The following KCNK13 variants were observed in gnomAD, a reference collection of about 807,000 sequenced individuals.
KCNK13 encodes potassium two pore domain channel subfamily K member 13, also known as potassium channel subfamily K member 13.
In KCNK13, 12 loss-of-function variants were observed where a neutral mutation model predicts 23.4. That is an observed-to-expected ratio of 0.51 (90% CI 0.33 to 0.83). The LOEUF is 0.83. Among genes scored for constraint, KCNK13 ranks in the 40% least tolerant of loss-of-function variants. The probability of loss-of-function intolerance (pLI) is 0.02; values close to 1 mark genes in which losing one functional copy is unlikely to be tolerated. For synonymous variants in KCNK13, 231 were observed against 229.5 expected (o/e 1.01, Z -0.06); for missense variants, 463 against 556.3 (o/e 0.83, Z 1.69).
intron 1 of KCNK13, among the ~76,000 whole-genome samples, chr14:90,149,837 G>A (rs1275641800): frequency 6.6e-6 from 1 of 152,160 alleles, no homozygotes; most frequent in Non-Finnish European, 1.5e-5. Context: ...ACATGGGAGA[G>A]GGCAAAAGAT....
intron 1 of KCNK13, among the ~76,000 whole-genome samples, chr14:90,130,168 A>G (rs1889850134): frequency 7.0e-6 from 1 of 142,842 alleles, no homozygotes; most frequent in Non-Finnish European, 1.5e-5. Context: ...CTGGAAGAAG[A>G]TGGAGAAGGA....
intron 1 of KCNK13, among the ~76,000 whole-genome samples, chr14:90,137,465 C>T (rs903905494): frequency 8.5e-5 from 13 of 152,074 alleles, no homozygotes; most frequent in Non-Finnish European, 1.6e-4. Context: ...GGATTACAGG[C>T]GCCCGCCAAC....
intron 1 of KCNK13, among the ~76,000 whole-genome samples, chr14:90,076,344 T>C (rs1274678585): frequency 6.6e-6 from 1 of 152,274 alleles, no homozygotes; most frequent in Non-Finnish European, 1.5e-5. Context: ...TGTCTTTCTG[T>C]TCTGCCAGGC....
chr14:90,093,971 G>T (rs762051159), intron 1 of KCNK13, among the ~76,000 whole-genome samples: 3 of 152,240 alleles, frequency 2.0e-5, no homozygotes, highest in Admixed American at 1.3e-4. Flanking sequence ...TTTGCAGGGG[G>T]TGCCATTTTC....
chr14:90,073,578 G>T (rs1456379940), intron 1 of KCNK13, among the ~76,000 whole-genome samples: 1 of 152,202 alleles, frequency 6.6e-6, no homozygotes, highest in Non-Finnish European at 1.5e-5. Flanking sequence ...TGTGGTTTTC[G>T]AACTGTGCTC....
At chr14:90,087,154 A>ATATATATATTT (rs1282261147) in intron 1 of KCNK13, among the ~76,000 whole-genome samples, 6 of 107,650 alleles carry the variant, frequency 5.6e-5, no homozygotes, top group African/African-American at 2.3e-4. Context: ...ATATATATAT[A>ATATATATATTT]TTTTTTTTTT....
chr14:90,078,973 C>G (rs1441925343), intron 1 of KCNK13, among the ~76,000 whole-genome samples: 1 of 152,174 alleles, frequency 6.6e-6, no homozygotes, highest in Non-Finnish European at 1.5e-5. Context: ...TGAAAAGTAG[C>G]GAAAGCACAC....
At position 90,130,422 on chromosome 14, in the gene KCNK13, A is replaced by G. The variant is rs539508659; in HGVS notation, c.335-53689A>G. The stretch of plus-strand genomic sequence containing the variant: ...GCCATGTTGGCCAGGCTGGTCTTGA[A>G]CTCCTTATCTCAAATAATCTGCCCG... On this transcript the variant is annotated intron_variant, in intron 1 of 1. Coordinates refer to ENST00000282146, the MANE Select transcript of KCNK13 (RefSeq NM_022054.4). Among the ~76,000 whole-genome samples the G allele has an allele frequency of 4.6e-5, 7 of 151,076 alleles. No homozygotes were observed. In the East Asian group the frequency reaches 1.4e-3, roughly 30 times the overall value.
chr14:90,123,179 TC>T (rs1889758645), intron 1 of KCNK13, among the ~76,000 whole-genome samples: 1 of 152,186 alleles, frequency 6.6e-6, no homozygotes, highest in Admixed American at 6.5e-5. Context: ...ACCTGGTACT[TC>T]CTTCAAATCT....
At chr14:90,166,869 C>A (rs1473389382) in intron 1 of KCNK13, among the ~76,000 whole-genome samples, 1 of 151,956 alleles carries the variant, frequency 6.6e-6, no homozygotes, top group African/African-American at 2.4e-5. Flanking sequence ...ACACACACAC[C>A]CAAATCACAG....
At chr14:90,137,665 G>T (rs1889954939) in intron 1 of KCNK13, among the ~76,000 whole-genome samples, 1 of 152,110 alleles carries the variant, frequency 6.6e-6, no homozygotes, top group Admixed American at 6.5e-5. Context: ...ATGAAAGAAG[G>T]CTATTAGTTG....
In KCNK13 at chr14:90,178,231, C is replaced by CAAAA. The variant is rs34726346; in HGVS notation, c.335-5858_335-5855dup. Among the ~76,000 whole-genome samples, 183 of 75,052 alleles carry CAAAA rather than the reference C, an allele frequency of 2.4e-3. 1 individual carries two copies. The highest frequency in any genetic ancestry group is 4.9e-3 in the African/African-American group (110 of 22,228). The allele number at this position is 75,052 out of a possible 152,430, so 49.2% of individuals were successfully genotyped here. The stretch of plus-strand genomic sequence containing the variant: ...AATTTGGGAGACATATTCCTAAAAG[C>CAAAA]AAAAAAAAAAAAAAAAAAAAAAAAA... On this transcript the variant is annotated intron_variant, in intron 1 of 1. Transcript: ENST00000282146.
At chr14:90,152,260 G>T (rs1403050518) in intron 1 of KCNK13, among the ~76,000 whole-genome samples, 1 of 152,212 alleles carries the variant, frequency 6.6e-6, no homozygotes, top group Non-Finnish European at 1.5e-5. Flanking sequence ...TTTGCGGCCG[G>T]TGCAGTGGCT....
At chr14:90,165,723 A>G (rs1457879061) in intron 1 of KCNK13, among the ~76,000 whole-genome samples, 1 of 152,246 alleles carries the variant, frequency 6.6e-6, no homozygotes, top group Non-Finnish European at 1.5e-5. Flanking sequence ...TCCTTGAGAT[A>G]AGTAAATCAC....
chr14:90,168,926 T>C (rs1334579236), intron 1 of KCNK13, among the ~76,000 whole-genome samples: 1 of 152,218 alleles, frequency 6.6e-6, no homozygotes, highest in Non-Finnish European at 1.5e-5. Flanking sequence ...TGAGATCTGA[T>C]GGTTTTATAA....
intron 1 of KCNK13, among the ~76,000 whole-genome samples, chr14:90,129,656 A>G (rs140955097): frequency 7.9e-5 from 12 of 152,194 alleles, no homozygotes; most frequent in Admixed American, 4.6e-4. Context: ...TTTTCCTATG[A>G]CAGTATGAAA....
At chr14:90,150,142 G>A (rs1320939255) in intron 1 of KCNK13, among the ~76,000 whole-genome samples, 2 of 152,170 alleles carry the variant, frequency 1.3e-5, no homozygotes, top group Non-Finnish European at 2.9e-5. Context: ...CTTGAAGTAC[G>A]CTGTAGAAAT....
At chr14:90,113,730 C>T (rs1889642001) in intron 1 of KCNK13, among the ~76,000 whole-genome samples, 1 of 152,082 alleles carries the variant, frequency 6.6e-6, no homozygotes, top group African/African-American at 2.4e-5. Context: ...GTCAGGCATT[C>T]CAGACCAGCC....
intron 1 of KCNK13, among the ~76,000 whole-genome samples, chr14:90,064,467 A>G (rs1166768669): frequency 1.3e-5 from 2 of 152,068 alleles, no homozygotes; most frequent in Non-Finnish European, 2.9e-5. Context: ...GAATATGACA[A>G]TGTGGCATGG....
Sources: gnomAD v4.1 joint callset for allele counts (sites outside exome capture counted in the v4.1 genomes callset) on GRCh38, gnomAD v4.1.1 for gene constraint, MANE v1.5 for transcripts, NCBI Gene and HGNC (gene_info 2026-07-23, HGNC 2026-07-21) for gene names.